The following TOP3B variants were observed in gnomAD, a reference collection of about 807,000 sequenced individuals.
TOP3B encodes DNA topoisomerase III beta, also known as DNA topoisomerase 3-beta-1.
A neutral mutation model predicts 93.9 loss-of-function variants in TOP3B; 45 were observed. The ratio of observed to expected loss-of-function variants is 0.48; its 90% CI spans 0.38 to 0.61. The LOEUF (loss-of-function observed/expected upper bound fraction) is 0.61, where lower values mean the gene tolerates loss of function less well. Among genes scored for constraint, TOP3B ranks in the 20% least tolerant of loss-of-function variants. The pLI, the probability that TOP3B is intolerant of heterozygous loss-of-function variation, is 0.00. For missense variants in TOP3B, 750 were observed against 1,156.1 expected (o/e 0.65, Z 5.09); for synonymous variants, 357 against 472.6 (o/e 0.76, Z 3.17).
At chr22:21,968,399 C>A in intron 7 of TOP3B, 1 of 560,870 alleles carries the variant, frequency 1.8e-6, no homozygotes. Flanking sequence ...TGAACTCATT[C>A]CCACTTATCC....
In TOP3B at chr22:21,962,426, C is replaced by T; in HGVS notation, c.1525+3G>A. ...GCTCTGGGGCCTGGGCAGGCGCACC[C>T]ACCGATGCCATGCTTCTCCATGAGC... On this transcript the variant is annotated splice_donor_region_variant and intron_variant, in intron 13 of 17. Coordinates refer to ENST00000357179, the MANE Select transcript of TOP3B (RefSeq NM_001282112.2). 6.2e-7 allele frequency: 1 copy of T among 1,613,418 alleles called. No individual in the cohort carries two copies. Among genetic ancestry groups the T allele is most frequent in the Admixed American group, 1.7e-5 (1 of 60,034 alleles).
At chr22:21,959,415 T>G (rs1291580276) in intron 15 of TOP3B, 172 bp downstream of exon 15, 1 of 1,487,066 alleles carries the variant, frequency 6.7e-7, no homozygotes, top group East Asian at 2.3e-5. Flanking sequence ...ATGTGTGGTG[T>G]TAATGCACCT....
chr22:21,979,893 A>G (rs547330919), intron 1 of TOP3B, among the ~76,000 whole-genome samples: 43 of 130,624 alleles, frequency 3.3e-4, no homozygotes, highest in African/African-American at 1.1e-3. Context: ...GTGAGCCGAG[A>G]TTGCGCCACT....
Position 21,972,722 on chromosome 22 carries a change from C to T in TOP3B, c.203-4G>A. 6.2e-7 allele frequency: 1 copy of T among 1,612,184 alleles called. No homozygotes were observed. Among genetic ancestry groups the T allele is most frequent in the Non-Finnish European group, 8.5e-7 (1 of 1,178,594 alleles). On this transcript the variant is annotated splice_region_variant and splice_polypyrimidine_tract_variant and intron_variant, in intron 3 of 17. Transcript: ENST00000357179. The stretch of plus-strand genomic sequence containing the variant: ...TTGTCCCATTTGTTGTATTTTCCTA[C>T]AAACCAGTCACAGTGACATTGAGTC...
intron 3 of TOP3B, 47 bp from the exon 4 acceptor site, chr22:21,972,765 G>A (rs758141357): frequency 7.4e-6 from 11 of 1,487,828 alleles, no homozygotes; most frequent in South Asian, 1.1e-5. Flanking sequence ...CTCAGCCTCC[G>A]AGACCATCAT....
intron 7 of TOP3B, chr22:21,968,130 G>T: frequency 4.0e-6 from 1 of 252,838 alleles, no homozygotes; most frequent in Non-Finnish European, 7.7e-6. Flanking sequence ...TGGCACGATC[G>T]TAGCTCACTG....
chr22:21,961,938 TG>T, intron 13 of TOP3B: 1 of 311,748 alleles, frequency 3.2e-6, no homozygotes, highest in Non-Finnish European at 5.6e-6. Context: ...ATAAACTCCC[TG>T]GGCTGCCCAT....
rs536345480 is a variant in TOP3B, at chr22:21,959,385, A to G, written c.1805-153T>C. The G allele has an allele frequency of 6.6e-4, 980 of 1,483,912 alleles. 4 individuals are homozygous for G. Among genetic ancestry groups the G allele is most frequent in the Non-Finnish European group, 8.2e-4 (919 of 1,122,278 alleles). The allele number at this position is 1,483,912 out of a possible 1,614,324, so 91.9% of individuals were successfully genotyped here. A position where few individuals can be genotyped will look rare whatever the true frequency, so the allele number is the denominator to read the frequency against. ...CGGCAGGGCAGCAGCCCTGTGCGTCAGAGGCACGTGTTCCTGGCCATGTGT... is the reference window on the plus strand; with the variant it reads ...CGGCAGGGCAGCAGCCCTGTGCGTCGGAGGCACGTGTTCCTGGCCATGTGT... On this transcript the variant is annotated intron_variant, in intron 15 of 17. Coordinates refer to ENST00000357179, the MANE Select transcript of TOP3B (RefSeq NM_001282112.2).
Position 21,971,796 on chromosome 22 carries a change from G to T in TOP3B, c.384+81C>A. 2 of 1,278,784 alleles carry T rather than the reference G, an allele frequency of 1.6e-6. No homozygotes were observed. The highest frequency in any genetic ancestry group is 2.3e-6 in the Non-Finnish European group (2 of 876,734). The allele number at this position is 1,278,784 out of a possible 1,614,324, so 79.2% of individuals were successfully genotyped here. The stretch of plus-strand genomic sequence containing the variant: ...TACTCCCTCCTTTGGCCCCAGGAGT[G>T]ATGTGACTGACTGCTGGTGTCAGTT... On this transcript the variant is annotated intron_variant, in intron 5 of 17. Coordinates refer to ENST00000357179, the MANE Select transcript of TOP3B (RefSeq NM_001282112.2). This position sits in a 1 kb window ranked among gnomAD's most constrained non-coding sequence, Gnocchi z 4.6.
At position 21,959,463 on chromosome 22, in the gene TOP3B, C is replaced by A; in HGVS notation, c.1804+124G>T. On this transcript the variant is annotated intron_variant, in intron 15 of 17. Coordinates refer to ENST00000357179, the MANE Select transcript of TOP3B (RefSeq NM_001282112.2). ...CAGCCAGGAGGTGTCACTGACCTGG[C>A]CTACGGAGGCCTGAAGCCCAGATCT... 2.6e-6 allele frequency: 4 copies of A among 1,511,844 alleles called. No homozygotes were observed. The South Asian group carries it at 4.0e-5, about 15-fold the overall frequency. The allele number at this position is 1,511,844 out of a possible 1,614,324, so 93.7% of individuals were successfully genotyped here.
At chr22:21,959,263 C>G (rs376220719) in intron 15 of TOP3B, 31 bp from the exon 16 acceptor site, 1 of 1,607,722 alleles carries the variant, frequency 6.2e-7, no homozygotes, top group Non-Finnish European at 8.5e-7. Flanking sequence ...GGAGTCATCT[C>G]CCTCCCAGTC....
chr22:21,960,198 G>T, intron 14 of TOP3B, 123 bp downstream of exon 14: 1 of 1,426,134 alleles, frequency 7.0e-7, no homozygotes, highest in East Asian at 2.3e-5. Flanking sequence ...TGTTGAGGGA[G>T]TGTGTGTGGG....
intron 3 of TOP3B, chr22:21,973,391 C>T (rs2071725847): frequency 1.3e-5 from 2 of 152,672 alleles, no homozygotes; most frequent in Non-Finnish European, 1.5e-5. Context: ...ATCTTCCCAC[C>T]TCAGCCTCCC....
rs576995613 is a variant in TOP3B, at chr22:21,972,893, G to C, written c.203-175C>G. 22 of 616,562 alleles carry C rather than the reference G, an allele frequency of 3.6e-5. No homozygotes were observed. The East Asian group carries it at 4.8e-4, about 14-fold the overall frequency. 38.2% of individuals were successfully genotyped at this position (616,562 alleles called of 1,614,324 possible). On this transcript the variant is annotated intron_variant, in intron 3 of 17. Transcript: ENST00000357179. Reference sequence around the variant, plus strand: ...AGCCAGGATGTGGGTTCAGGCCTTTGGTAACCCCCTCCCATCCAGCCTCCT... The same window carrying C: ...AGCCAGGATGTGGGTTCAGGCCTTTCGTAACCCCCTCCCATCCAGCCTCCT...
chr22:21,967,381 G>A (rs1317998620), intron 8 of TOP3B: 7 of 548,148 alleles, frequency 1.3e-5, no homozygotes, highest in Non-Finnish European at 2.3e-5. Flanking sequence ...GACAGTGCCT[G>A]GTATGGAGCG....
intron 7 of TOP3B, 48 bp from the exon 8 acceptor site, chr22:21,967,764 G>C: frequency 6.7e-7 from 1 of 1,486,714 alleles, no homozygotes; most frequent in Non-Finnish European, 9.4e-7. Flanking sequence ...AAGTCTCCAG[G>C]TGAGCCCAAC....
chr22:21,969,171 A>T (rs1025552503), intron 6 of TOP3B: 9 of 166,996 alleles, frequency 5.4e-5, no homozygotes, highest in Non-Finnish European at 5.2e-5. Context: ...GTCTTGCTGT[A>T]TTGCCCAGCA....
chr22:21,971,261 C>A lies in TOP3B; in HGVS notation c.384+616G>T, dbSNP rs575144610. On this transcript the variant is annotated intron_variant, in intron 5 of 17. Transcript: ENST00000357179. The surrounding 1 kb of genome is among the most constrained non-coding windows in gnomAD (Gnocchi z 4.6). ...CCAGCTCTTGAGCCACGGGTGAGAG[C>A]TGGGGGTACAGGAGCACGGGGGCGA... 2.7e-3 allele frequency: 832 copies of A among 307,642 alleles called. 4 individuals are homozygous for A. The highest frequency in any genetic ancestry group is 0.018 in the African/African-American group (774 of 42,870). 19.1% of individuals were successfully genotyped at this position (307,642 alleles called of 1,614,324 possible).
At chr22:21,981,343 C>A (rs984811278) in intron 1 of TOP3B, among the ~76,000 whole-genome samples, 3 of 152,152 alleles carry the variant, frequency 2.0e-5, no homozygotes, top group Non-Finnish European at 4.4e-5. Context: ...GAACCCGTGC[C>A]CCAAGCCTGA....
Sources: gnomAD v4.1 joint callset for allele counts (sites outside exome capture counted in the v4.1 genomes callset) on GRCh38, gnomAD v4.1.1 for gene constraint, Gnocchi (gnomAD v3.1) non-coding constraint, MANE v1.5 for transcripts, NCBI Gene and HGNC (gene_info 2026-07-23, HGNC 2026-07-21) for gene names.